NCKAP1: variants seen among roughly 807,000 people sequenced by gnomAD.
The protein encoded by NCKAP1 is nck-associated protein 1.
Under a neutral mutation model 151.2 loss-of-function variants are expected in NCKAP1, and 21 were observed. That is an observed-to-expected ratio of 0.14 (90% CI 0.10 to 0.20). The LOEUF (loss-of-function observed/expected upper bound fraction) is 0.20. Ranked by LOEUF, NCKAP1 falls within the 10% of genes least tolerant of loss-of-function variation. The pLI is 1.00. For synonymous variants in NCKAP1, 484 were observed against 451.8 expected, an observed-to-expected ratio of 1.07 and a Z score of -0.90; for missense variants, 933 against 1,352.1, an observed-to-expected ratio of 0.69 and a Z score of 4.86.
At chr2:182,969,201 T>C (rs1354061278) in intron 15 of NCKAP1, among the ~76,000 whole-genome samples, 1 of 152,198 alleles carries the variant, frequency 6.6e-6, no homozygotes, top group Non-Finnish European at 1.5e-5. Flanking sequence ...GACCATATGT[T>C]AGGCCACAAA....
At chr2:182,950,946 C>T (rs906804961) in intron 23 of NCKAP1, among the ~76,000 whole-genome samples, 1 of 152,042 alleles carries the variant, frequency 6.6e-6, no homozygotes, top group African/African-American at 2.4e-5. Context: ...GATTCTCCTG[C>T]CTCAGCCTCC....
intron 23 of NCKAP1, among the ~76,000 whole-genome samples, chr2:182,947,614 C>A (rs1336889404): frequency 3.3e-5 from 5 of 152,064 alleles, no homozygotes; most frequent in African/African-American, 4.8e-5. Context: ...ATATATATAT[C>A]TCCAGCTTTT....
At chr2:182,987,887 G>A (rs11896088) in intron 9 of NCKAP1, among the ~76,000 whole-genome samples, 8,319 of 152,138 alleles carry the variant, frequency 0.055, 774 homozygotes, top group African/African-American at 0.19. Context: ...GGAGTGGGGG[G>A]GGAGTGGGGA....
In NCKAP1 at chr2:182,953,104, A is replaced by C. The variant is rs1443600019; in HGVS notation, c.2372+9T>G. 6.3e-7 allele frequency: 1 copy of C among 1,589,438 alleles called. No homozygotes were observed. On this transcript the variant is annotated intron_variant, in intron 21 of 30. Coordinates refer to ENST00000361354, the MANE Select transcript of NCKAP1 (RefSeq NM_013436.5). ...TCCGCTACTACAAATTTCTAAATGCATTCCTTACCAATTTGTGTATAGACT... is the reference window on the plus strand; with the variant it reads ...TCCGCTACTACAAATTTCTAAATGCCTTCCTTACCAATTTGTGTATAGACT...
In NCKAP1 at chr2:182,952,960, G is replaced by A. The variant is rs542568182; in HGVS notation, c.2373-37C>T. 5.1e-6 allele frequency: 8 copies of A among 1,583,870 alleles called. No homozygotes were observed. In the East Asian group the frequency reaches 1.3e-4, roughly 27 times the overall value. Reference sequence around the variant, plus strand: ...CGTAAACTTATAACCGGAAGAAACTGCTTAATTCAGAATGTATCATGATAT... The same window carrying A: ...CGTAAACTTATAACCGGAAGAAACTACTTAATTCAGAATGTATCATGATAT... On this transcript the variant is annotated intron_variant, in intron 21 of 30. Coordinates refer to ENST00000361354, the MANE Select transcript of NCKAP1 (RefSeq NM_013436.5).
chr2:182,989,421 GTC>G (rs1334155824), intron 8 of NCKAP1, among the ~76,000 whole-genome samples: 3 of 152,112 alleles, frequency 2.0e-5, no homozygotes, highest in Admixed American at 1.3e-4. Flanking sequence ...CGGGAAAAAT[GTC>G]ACTTCTGGGT....
chr2:182,945,408 G>GA (rs1697083117), intron 23 of NCKAP1, among the ~76,000 whole-genome samples: 1 of 150,238 alleles, frequency 6.7e-6, no homozygotes, highest in Admixed American at 6.6e-5. Context: ...AAAAAAGAAA[G>GA]AAAGAAAAAA....
intron 2 of NCKAP1, among the ~76,000 whole-genome samples, chr2:183,010,483 A>C (rs772027147): frequency 6.6e-6 from 1 of 152,252 alleles, no homozygotes. Context: ...CCACAGAATC[A>C]TAAGAAACAA....
intron 23 of NCKAP1, 135 bp from the exon 24 acceptor site, chr2:182,942,298 T>C (rs991854374): frequency 2.0e-5 from 11 of 544,942 alleles, no homozygotes; most frequent in Non-Finnish European, 3.2e-5. Flanking sequence ...CTACATATAT[T>C]TTTTTGTTGT....
At chr2:183,032,218 T>TA (rs984614137) in intron 1 of NCKAP1, among the ~76,000 whole-genome samples, 10 of 150,862 alleles carry the variant, frequency 6.6e-5, no homozygotes, top group African/African-American at 1.7e-4. Context: ...TTGTTCAAAC[T>TA]AAAAAAAAAG....
At chr2:182,930,918 G>C in intron 26 of NCKAP1, 130 bp from the exon 27 acceptor site, 1 of 683,736 alleles carries the variant, frequency 1.5e-6, no homozygotes, top group Non-Finnish European at 2.5e-6. Context: ...AGAAACTACA[G>C]CAAAACTAAG....
chr2:182,975,758 A>G (rs1697807959), intron 15 of NCKAP1, among the ~76,000 whole-genome samples: 1 of 151,974 alleles, frequency 6.6e-6, no homozygotes. Flanking sequence ...TTTTTTAATT[A>G]GCTGGGTGTG....
At chr2:182,926,790 T>C (rs1312997347) in intron 30 of NCKAP1, 26 bp downstream of exon 30, 1 of 1,446,690 alleles carries the variant, frequency 6.9e-7, no homozygotes, top group Non-Finnish European at 9.5e-7. Context: ...TTTTTTATTG[T>C]TAGTAAAAAT....
chr2:183,019,525 G>A (rs1038046697), intron 2 of NCKAP1, among the ~76,000 whole-genome samples: 7 of 152,054 alleles, frequency 4.6e-5, no homozygotes, highest in Non-Finnish European at 8.8e-5. Flanking sequence ...TTCCCCTCCA[G>A]GTACCCTTAA....
At chr2:183,015,383 G>A (rs1246726017) in intron 2 of NCKAP1, among the ~76,000 whole-genome samples, 1 of 151,678 alleles carries the variant, frequency 6.6e-6, no homozygotes, top group African/African-American at 2.4e-5. Flanking sequence ...TCATCACACT[G>A]AAGACAAAGC....
chr2:183,005,502 T>C (rs144524120), intron 2 of NCKAP1, among the ~76,000 whole-genome samples: 158 of 152,296 alleles, frequency 1.0e-3, no homozygotes, highest in Middle Eastern at 3.4e-3. Flanking sequence ...TCTCATCTCT[T>C]TACTTCTGAA....
chr2:182,953,108 C>T lies in NCKAP1; in HGVS notation c.2372+5G>A. The T allele has an allele frequency of 6.3e-7, 1 of 1,593,726 alleles. No homozygotes were observed. The highest frequency in any genetic ancestry group is 8.5e-7 in the Non-Finnish European group (1 of 1,171,028). On this transcript the variant is annotated splice_donor_5th_base_variant and intron_variant, in intron 21 of 30. Coordinates refer to ENST00000361354, the MANE Select transcript of NCKAP1 (RefSeq NM_013436.5). Reference sequence around the variant, plus strand: ...CTACTACAAATTTCTAAATGCATTCCTTACCAATTTGTGTATAGACTTGTA... The same window carrying T: ...CTACTACAAATTTCTAAATGCATTCTTTACCAATTTGTGTATAGACTTGTA...
chr2:182,985,947 C>T (rs1698048614), intron 10 of NCKAP1, among the ~76,000 whole-genome samples: 1 of 152,070 alleles, frequency 6.6e-6, no homozygotes. Flanking sequence ...TGTGATACTT[C>T]CTTATAGCAT....
In NCKAP1 at chr2:182,994,879, A is replaced by G. The variant is rs1698237647; in HGVS notation, c.750T>C (p.Cys250=). The G allele has an allele frequency of 6.2e-7, 1 of 1,605,408 alleles. No individual in the cohort carries two copies. Among genetic ancestry groups the G allele is most frequent in the African/African-American group, 1.3e-5 (1 of 74,718 alleles). The part of the protein sequence containing the change: ...LNPAQSDTMP[C]EYLSLDAMEK... ...CCATTGCATCCAAAGAGAGGTATTC[A>G]CAAGGCATCTTAAAAAGAGAATATA... The change falls in exon 8 of 31, where the codon TGT becomes TGC. Residue 250 remains cysteine, a synonymous_variant. Coordinates refer to ENST00000361354, the MANE Select transcript of NCKAP1 (RefSeq NM_013436.5).
Sources: gnomAD v4.1 joint callset for allele counts (sites outside exome capture counted in the v4.1 genomes callset) on GRCh38, gnomAD v4.1.1 for gene constraint, MANE v1.5 for transcripts, NCBI Gene and HGNC (gene_info 2026-07-23, HGNC 2026-07-21) for gene names.